The following ZNF606 variants were observed in gnomAD, a reference collection of about 807,000 sequenced individuals.
ZNF606 encodes zinc finger protein 606, also known as zinc finger protein 328.
A neutral mutation model predicts 74.9 loss-of-function variants in ZNF606; 37 were observed. The ratio of observed to expected loss-of-function variants is 0.49; its 90% CI spans 0.38 to 0.65. The LOEUF (loss-of-function observed/expected upper bound fraction) is 0.65. ZNF606 is among the 30% of genes least tolerant of loss of function. The probability of loss-of-function intolerance (pLI) is 0.00; values close to 1 mark genes in which losing one functional copy is unlikely to be tolerated. For missense variants in ZNF606, 852 were observed against 952.9 expected, an observed-to-expected ratio of 0.89 and a Z score of 1.39; for synonymous variants, 328 against 312.4, an observed-to-expected ratio of 1.05 and a Z score of -0.53.
intron 4 of ZNF606, among the ~76,000 whole-genome samples, chr19:57,994,336 C>T (rs2073303980): frequency 6.6e-6 from 1 of 151,772 alleles, no homozygotes; most frequent in African/African-American, 2.4e-5. Context: ...GGTCCAGCAG[C>T]TAACAGAAGA....
intron 6 of ZNF606, 23 bp from the exon 7 acceptor site, chr19:57,980,302 T>A (rs1273255254): frequency 6.3e-7 from 1 of 1,575,098 alleles, no homozygotes; most frequent in African/African-American, 1.4e-5. Context: ...GAAAAAAAGC[T>A]ATGAGAGCAT....
Position 57,980,135 on chromosome 19 carries a change from T to C in ZNF606, c.545A>G (p.Gln182Arg). The change falls in exon 7 of 7, where the codon CAA (glutamine) becomes CGA (arginine). Residue 182 changes from glutamine to arginine, a missense_variant. Around this residue, in one of 3 missense-constraint regions of ZNF606, gnomAD observed 545 missense variants for 542.5 expected, o/e 1.00. Transcript: ENST00000551380. Reference sequence around the variant, plus strand: ...CTGGTTCATGTGGTACATTTCTAATTGGTCTTTACATCCCAAAACTTCTAA... The same window carrying C: ...CTGGTTCATGTGGTACATTTCTAATCGGTCTTTACATCCCAAAACTTCTAA... Reference protein sequence around the residue: ...SRLEVLGCKDQLEMYHMNQST... With the variant: ...SRLEVLGCKDRLEMYHMNQST... The C allele has an allele frequency of 1.9e-6, 3 of 1,614,144 alleles. No homozygotes were observed. Among genetic ancestry groups the C allele is most frequent in the Non-Finnish European group, 2.5e-6 (3 of 1,180,036 alleles).
chr19:58,000,779 T>C (rs370268104), intron 2 of ZNF606, 40 bp from the exon 3 acceptor site: 2 of 1,514,086 alleles, frequency 1.3e-6, no homozygotes, highest in East Asian at 2.3e-5. Context: ...ACACCAAACC[T>C]AGTGATTCAA....
intron 4 of ZNF606, among the ~76,000 whole-genome samples, chr19:57,995,186 A>C (rs2073316103): frequency 7.2e-6 from 1 of 138,364 alleles, no homozygotes; most frequent in South Asian, 2.3e-4. Flanking sequence ...TGAGACTCTG[A>C]CTCAAAAAAA....
intron 4 of ZNF606, among the ~76,000 whole-genome samples, chr19:57,995,748 G>A (rs1437583982): frequency 6.6e-6 from 1 of 152,126 alleles, no homozygotes; most frequent in Non-Finnish European, 1.5e-5. Flanking sequence ...GAACCCGGGA[G>A]GCGGAGACTG....
chr19:57,986,744 A>C (rs1415757953), intron 6 of ZNF606, among the ~76,000 whole-genome samples: 3 of 152,188 alleles, frequency 2.0e-5, no homozygotes, highest in African/African-American at 7.2e-5. Context: ...GTATACTATT[A>C]ATATTACACT....
chr19:58,002,068 A>C, intron 1 of ZNF606: 1 of 422,894 alleles, frequency 2.4e-6, no homozygotes, highest in South Asian at 1.7e-5. Context: ...ACTAGAACAC[A>C]CAGTGGGCCT....
At chr19:57,999,972 C>G in intron 3 of ZNF606, 76 bp from the exon 4 acceptor site, 1 of 1,268,440 alleles carries the variant, frequency 7.9e-7, no homozygotes, top group Non-Finnish European at 1.1e-6. Flanking sequence ...GGGCTGAGAA[C>G]CAGCCCCTGC....
rs2073004852 is a variant in ZNF606 at position 57,977,311 on chromosome 19, T to C, written c.*990A>G. 1 of 152,110 alleles carries C rather than the reference T, an allele frequency of 6.6e-6. No homozygotes were observed. Among genetic ancestry groups the C allele is most frequent in the South Asian group, 2.1e-4 (1 of 4,828 alleles). 9.4% of individuals were successfully genotyped at this position (152,110 alleles called of 1,614,324 possible). A position where few individuals can be genotyped will look rare whatever the true frequency, so the allele number is the denominator to read the frequency against. On this transcript the variant is annotated 3_prime_UTR_variant, in exon 7 of 7. Transcript: ENST00000551380. ...TGGGGTAACAGTACCTATCTCAGAGTAAAGGGGACTAAACAAGTTAACACT... is the reference window on the plus strand; with the variant it reads ...TGGGGTAACAGTACCTATCTCAGAGCAAAGGGGACTAAACAAGTTAACACT...
chr19:57,979,607 G>T lies in ZNF606; in HGVS notation c.1073C>A (p.Ser358Tyr). The T allele has an allele frequency of 6.2e-7, 1 of 1,613,310 alleles. No homozygotes were observed. The highest frequency in any genetic ancestry group is 8.5e-7 in the Non-Finnish European group (1 of 1,179,914). ...ACCAATTTTTTGATGTTCCATAAAG[G>T]ATGAGAAATAAAAGATATTCTCATA... ...KEYENIFYFS[S>Y]FMEHQKIGTV... Residue 358 changes from serine (S) to tyrosine (Y), a missense_variant, in exon 7 of 7, where the codon TCC (serine) becomes TAC (tyrosine). Around this residue, in one of 3 missense-constraint regions of ZNF606, gnomAD observed 545 missense variants for 542.5 expected, o/e 1.00. Transcript: ENST00000551380.
chr19:58,001,280 T>C lies in ZNF606; in HGVS notation c.31+9A>G. ...GGGGAGGCCCAGGAGAAACACAACTTGGACTCACCCCAGGAGGCCCACGGG... is the reference window on the plus strand; with the variant it reads ...GGGGAGGCCCAGGAGAAACACAACTCGGACTCACCCCAGGAGGCCCACGGG... On this transcript the variant is annotated intron_variant, in intron 2 of 6. Transcript: ENST00000551380. The C allele has an allele frequency of 1.9e-6, 3 of 1,614,048 alleles. No individual in the cohort carries two copies. In the East Asian group the frequency reaches 6.7e-5, roughly 36 times the overall value.
rs2073047245 is a variant in ZNF606 at position 57,979,550 on chromosome 19, C to T, written c.1130G>A (p.Trp377Ter). 6.2e-7 allele frequency: 1 copy of T among 1,612,882 alleles called. No individual in the cohort carries two copies. Among genetic ancestry groups the T allele is most frequent in the Non-Finnish European group, 8.5e-7 (1 of 1,179,464 alleles). The change falls in exon 7 of 7, where the codon TGG (tryptophan) becomes TAG (stop). Residue 377 changes from tryptophan (W) to a stop codon, truncating the protein, a stop_gained. Coordinates refer to ENST00000551380, the MANE Select transcript of ZNF606 (RefSeq NM_001348022.3). LOFTEE classifies it high-confidence loss of function. ...AGAGTCATACCCAAAGACTTTCTCC[C>T]ATTCATTGTATTTATACGCTTTCTC... is the stretch of plus-strand genomic sequence containing the variant. ...TVEKAYKYNEWEKVFGYDSFL... is the reference protein window; with the variant it reads ...TVEKAYKYNE
Position 57,991,968 on chromosome 19 carries a change from T to C in ZNF606, c.178-3247A>G, listed in dbSNP as rs565528265. Among the ~76,000 whole-genome samples the C allele has an allele frequency of 7.2e-5, 11 of 152,150 alleles. No homozygotes were observed. In the South Asian group the frequency reaches 1.7e-3, roughly 23 times the overall value. On this transcript the variant is annotated intron_variant, in intron 4 of 6. Transcript: ENST00000551380. ...TCCTAACCTCCCTGGGGTGGCACCT[T>C]CTTAGATGGCTTCAATGTTCACCTA... is the stretch of plus-strand genomic sequence containing the variant.
chr19:57,992,031 C>G (rs965783160), intron 4 of ZNF606, among the ~76,000 whole-genome samples: 1 of 152,136 alleles, frequency 6.6e-6, no homozygotes, highest in Non-Finnish European at 1.5e-5. Context: ...TAATGGCTGA[C>G]CAGCTGGTAG....
chr19:57,979,235 T>A lies in ZNF606; in HGVS notation c.1445A>T (p.Lys482Ile). ...CCCACACTCATTACAAACATAAGGT[T>A]TTTCTCCTGTATGAATTCTCTTATG... is the stretch of plus-strand genomic sequence containing the variant. ...IVHKRIHTGE[K>I]PYVCNECGKS... Residue 482 changes from lysine to isoleucine, a missense_variant, in exon 7 of 7, where the codon AAA (lysine) becomes ATA (isoleucine). This residue lies in a region of ZNF606 where 243 missense variants were observed against 359.2 expected (regional missense o/e 0.68). Transcript: ENST00000551380. 6.2e-7 allele frequency: 1 copy of A among 1,613,802 alleles called. No homozygotes were observed. The highest frequency in any genetic ancestry group is 8.5e-7 in the Non-Finnish European group (1 of 1,179,930).
intron 4 of ZNF606, among the ~76,000 whole-genome samples, chr19:57,997,044 G>T (rs1455159524): frequency 2.6e-5 from 4 of 152,210 alleles, no homozygotes; most frequent in Non-Finnish European, 5.9e-5. Flanking sequence ...GGAACCTGGG[G>T]CAATTCAGAT....
chr19:58,002,304 A>G (rs149567789), intron 1 of ZNF606, 92 bp downstream of exon 1: 1 of 456,768 alleles, frequency 2.2e-6, no homozygotes, highest in East Asian at 7.0e-5. Context: ...CCTCAGAAGC[A>G]TCCTTATCAC....
chr19:57,992,722 A>C (rs1242571539), intron 4 of ZNF606, among the ~76,000 whole-genome samples: 1 of 152,266 alleles, frequency 6.6e-6, no homozygotes, highest in Non-Finnish European at 1.5e-5. Context: ...AGATACACAG[A>C]AACACTCACA....
At position 58,002,396 on chromosome 19, in the gene ZNF606, C is replaced by T. The variant is rs2123359681; in HGVS notation, c.-52G>A. 1 of 456,626 alleles carries T rather than the reference C, an allele frequency of 2.2e-6. No individual in the cohort carries two copies. The highest frequency in any genetic ancestry group is 2.0e-5 in the African/African-American group (1 of 50,218). The allele number at this position is 456,626 out of a possible 1,614,324, so 28.3% of individuals were successfully genotyped here. A position where few individuals can be genotyped will look rare whatever the true frequency, so the allele number is the denominator to read the frequency against. ...CTGCAAAAGCTCGTCCCGGCCTCAC[C>T]TGGCTCGCGGCCGGCGGTCCCCCTT... On this transcript the variant is annotated splice_region_variant and 5_prime_UTR_variant, in exon 1 of 7. Coordinates refer to ENST00000551380, the MANE Select transcript of ZNF606 (RefSeq NM_001348022.3).
Sources: allele counts gnomAD v4.1 joint callset (sites outside exome capture counted in the v4.1 genomes callset), GRCh38; gene constraint gnomAD v4.1.1; regional missense constraint gnomAD v4.1.1; transcripts MANE v1.5; gene names NCBI Gene and HGNC (gene_info 2026-07-23, HGNC 2026-07-21).